Variants in HOOK2 observed in about 807,000 individuals in gnomAD.
HOOK2 encodes the protein hook microtubule tethering protein 2.
In HOOK2, 108 loss-of-function variants were observed where a neutral mutation model predicts 111.9. That is an observed-to-expected ratio of 0.96 (90% CI 0.83 to 1.13). The LOEUF is 1.13. Ranked by LOEUF, HOOK2 falls within the 50% of genes most tolerant of loss-of-function variation. The pLI is 0.00. For missense variants in HOOK2, 978 were observed against 951.3 expected (o/e 1.03, Z -0.37); for synonymous variants, 405 against 394.3 (o/e 1.03, Z -0.32).
Position 12,763,580 on chromosome 19 carries a change from C to A in HOOK2, c.1958G>T (p.Arg653Leu). ...RHLEMDFEKS[R>L]SQREQEEKLL... ...CTTTTCTTCCTGCTCCCGCTGACTTCGGCTTTTCTCAAAGTCCATCTGTCA... is the reference window on the plus strand; with the variant it reads ...CTTTTCTTCCTGCTCCCGCTGACTTAGGCTTTTCTCAAAGTCCATCTGTCA... Residue 653 changes from arginine to leucine, a missense_variant, in exon 22 of 23, where the codon CGA (arginine) becomes CTA (leucine). Physicochemically the swap from Arg to Leu is moderately radical, Grantham distance 102. This residue lies in a region of HOOK2 where 277 missense variants were observed against 265.8 expected (regional missense o/e 1.04). Coordinates refer to ENST00000397668, the MANE Select transcript of HOOK2 (RefSeq NM_013312.3). The A allele has an allele frequency of 6.2e-7, 1 of 1,614,228 alleles. No homozygotes were observed. Among genetic ancestry groups the A allele is most frequent in the Non-Finnish European group, 8.5e-7 (1 of 1,180,040 alleles).
At position 12,769,777 on chromosome 19, in the gene HOOK2, C is replaced by G; in HGVS notation, c.1104+104G>C. 8 of 950,284 alleles carry G rather than the reference C, an allele frequency of 8.4e-6. No homozygotes were observed. In the South Asian group the frequency reaches 1.7e-4, roughly 20 times the overall value. 58.9% of individuals were successfully genotyped at this position (950,284 alleles called of 1,614,324 possible). A position where few individuals can be genotyped will look rare whatever the true frequency, so the allele number is the denominator to read the frequency against. ...GAAGAGGCCCGGAGAGCGTGGCCTA[C>G]GTACAAATAAGGGAGGGGATCAGGG... is the stretch of plus-strand genomic sequence containing the variant. On this transcript the variant is annotated intron_variant, in intron 11 of 22. Transcript: ENST00000397668.
intron 3 of HOOK2, among the ~76,000 whole-genome samples, chr19:12,789,393 C>T (rs1325428806): frequency 6.6e-6 from 1 of 152,076 alleles, no homozygotes; most frequent in Admixed American, 6.5e-5. Flanking sequence ...TTCAGGTCTT[C>T]TCTGACTCGG....
At chr19:12,779,789 G>A (rs1968579908), upstream of HOOK2, among the ~76,000 whole-genome samples, 1 of 152,044 alleles carries the variant, frequency 6.6e-6, no homozygotes, top group African/African-American at 2.4e-5. Flanking sequence ...TGGGGGGGAG[G>A]GCTGGTTTCG....
intron 7 of HOOK2, chr19:12,771,765 C>T: frequency 2.3e-6 from 1 of 439,316 alleles, no homozygotes; most frequent in Non-Finnish European, 4.2e-6. Context: ...GCCTGTAGTC[C>T]TGGCTACTCG....
At position 12,773,149 on chromosome 19, in the gene HOOK2, C is replaced by T. The variant is rs572297522; in HGVS notation, c.205-105G>A. ...ACTTCTCCTTCCCTGCTCATCTCAT[C>T]CTATTCTGTCTGCGTGCGCCTTCCT... On this transcript the variant is annotated intron_variant, in intron 3 of 22. Coordinates refer to ENST00000397668, the MANE Select transcript of HOOK2 (RefSeq NM_013312.3). 5.3e-6 allele frequency: 6 copies of T among 1,140,294 alleles called. No homozygotes were observed. In the South Asian group the frequency reaches 6.3e-5, roughly 12 times the overall value. The allele number at this position is 1,140,294 out of a possible 1,614,324, so 70.6% of individuals were successfully genotyped here. A position where few individuals can be genotyped will look rare whatever the true frequency, so the allele number is the denominator to read the frequency against.
chr19:12,771,735 A>G lies in HOOK2; in HGVS notation c.520-258T>C, dbSNP rs934596020. 1.2e-4 allele frequency: 58 copies of G among 487,568 alleles called. No homozygotes were observed. The South Asian group carries it at 1.2e-3, about 10-fold the overall frequency. 30.2% of individuals were successfully genotyped at this position (487,568 alleles called of 1,614,324 possible). ...CTTCTCTACTAAAAACACAAAAATT[A>G]GCCGGGTGTGGTGGCGTGTGCCTGT... On this transcript the variant is annotated intron_variant, in intron 7 of 22. Coordinates refer to ENST00000397668, the MANE Select transcript of HOOK2 (RefSeq NM_013312.3).
chr19:12,763,720 T>G lies in HOOK2; in HGVS notation c.1886A>C (p.His629Pro). The G allele has an allele frequency of 1.2e-6, 2 of 1,614,204 alleles. No homozygotes were observed. Among genetic ancestry groups the G allele is most frequent in the Non-Finnish European group, 1.7e-6 (2 of 1,180,032 alleles). Reference protein sequence around the residue: ...RPAAGAPPELHSLRTQLRERD... With the variant: ...RPAAGAPPELPSLRTQLRERD... ...TTCTCGGAGCTGTGTCCTCAGGGAA[T>G]GGAGTTCTGGAGGTGCCCCCGCAGC... Residue 629 changes from histidine to proline, a missense_variant, in exon 21 of 23, where the codon CAT becomes CCT. Around this residue, in one of 5 missense-constraint regions of HOOK2, gnomAD observed 277 missense variants for 265.8 expected, o/e 1.04. Transcript: ENST00000397668.
Position 12,790,424 on chromosome 19 carries a change from C to T in HOOK2, n.42-16199G>A, listed in dbSNP as rs948328498. Among the ~76,000 whole-genome samples, 14 of 152,236 alleles carry T rather than the reference C, an allele frequency of 9.2e-5. No individual in the cohort carries two copies. Among genetic ancestry groups the T allele is most frequent in the Non-Finnish European group, 1.9e-4 (13 of 68,032 alleles). Reference sequence around the variant, plus strand: ...CCCCAGCCGTCGGGCTGGGTCCAGGCTCTAGGAGCCGACACGGTGTTGGGC... The same window carrying T: ...CCCCAGCCGTCGGGCTGGGTCCAGGTTCTAGGAGCCGACACGGTGTTGGGC... On this transcript the variant is annotated intron_variant and non_coding_transcript_variant, in intron 3 of 3. Transcript: ENST00000589765. The surrounding 1 kb of genome is among the most constrained non-coding windows in gnomAD (Gnocchi z 7.2).
At chr19:12,792,068 CACG>C in intron 3 of HOOK2, 1 of 1,607,950 alleles carries the variant, frequency 6.2e-7, no homozygotes, top group Non-Finnish European at 8.5e-7. Context: ...ACGGCGTGAT[CACG>C]ACGACGCCTA....
rs375872805 is a variant in HOOK2 at position 12,766,026 on chromosome 19, G to C, written c.1512-12C>G. 252 of 1,612,242 alleles carry C rather than the reference G, an allele frequency of 1.6e-4. No individual in the cohort carries two copies. The highest frequency in any genetic ancestry group is 2.1e-4 in the Non-Finnish European group (246 of 1,179,778). On this transcript the variant is annotated splice_polypyrimidine_tract_variant and intron_variant, in intron 15 of 22. Coordinates refer to ENST00000397668, the MANE Select transcript of HOOK2 (RefSeq NM_013312.3). ...GCTGCTGGTTCAGCCTGCGAGGGTG[G>C]GGGGCCGCTTAGTGCCTGTGCCCAC...
At chr19:12,770,892 C>G (rs768314503) in intron 10 of HOOK2, 40 bp downstream of exon 10, 1 of 1,565,870 alleles carries the variant, frequency 6.4e-7, no homozygotes. Flanking sequence ...AGGTTTACCC[C>G]CCGCCCCCCG....
chr19:12,782,884 G>GT (rs1221564708), upstream of HOOK2, among the ~76,000 whole-genome samples: 1 of 74,944 alleles, frequency 1.3e-5, no homozygotes, highest in African/African-American at 6.3e-5. Context: ...ATGGAGCTGA[G>GT]ACCCCCCCCC....
chr19:12,766,097 G>T lies in HOOK2; in HGVS notation c.1511+6C>A, dbSNP rs757338598. The stretch of plus-strand genomic sequence containing the variant: ...GCTCCGCGCAGGTAGGTCCCCAGGC[G>T]CTCACCGGTGCTGCGTCTCCAACCC... On this transcript the variant is annotated splice_donor_region_variant and intron_variant, in intron 15 of 22. Coordinates refer to ENST00000397668, the MANE Select transcript of HOOK2 (RefSeq NM_013312.3). 3.7e-6 allele frequency: 6 copies of T among 1,601,140 alleles called. No individual in the cohort carries two copies. The East Asian group carries it at 8.9e-5, about 24-fold the overall frequency.
upstream of HOOK2, chr19:12,778,251 C>G (rs1180003890): frequency 6.6e-6 from 1 of 152,254 alleles, no homozygotes; most frequent in Non-Finnish European, 1.5e-5. Flanking sequence ...GCAGGGTGGG[C>G]AAAGTGACAG....
rs1163542737 is a variant in HOOK2 at position 12,767,879 on chromosome 19, A to G, written c.1240T>C (p.Leu414=). Residue 414 remains leucine, a synonymous_variant, in exon 13 of 23, where the codon TTG becomes CTG. Coordinates refer to ENST00000397668, the MANE Select transcript of HOOK2 (RefSeq NM_013312.3). ...KERLLAERDS[L]REANEELRCA... ...CGCAGCTCCTCATTGGCCTCCCGCA[A>G]GGAGTCCCGCTCCGCCAACAGCCGC... The G allele has an allele frequency of 6.2e-7, 1 of 1,609,496 alleles. No homozygotes were observed. The highest frequency in any genetic ancestry group is 2.2e-5 in the East Asian group (1 of 44,882).
intron 18 of HOOK2, 54 bp from the exon 19 acceptor site, chr19:12,765,135 T>C (rs1968110071): frequency 6.3e-7 from 1 of 1,580,132 alleles, no homozygotes; most frequent in Admixed American, 1.7e-5. Context: ...GCTTCTCTTT[T>C]GTCCCAGTGG....
At chr19:12,785,997 G>A (rs1968652272) in intron 3 of HOOK2, among the ~76,000 whole-genome samples, 1 of 152,204 alleles carries the variant, frequency 6.6e-6, no homozygotes, top group African/African-American at 2.4e-5. Flanking sequence ...AGCAGTGGCA[G>A]GGATGGAAGC....
At chr19:12,772,576 G>A in intron 6 of HOOK2, 37 bp downstream of exon 6, 1 of 1,607,652 alleles carries the variant, frequency 6.2e-7, no homozygotes, top group Non-Finnish European at 8.5e-7. Flanking sequence ...CCCCTCTCCT[G>A]ACATTTTCCA....
rs763804090 is a variant in HOOK2, at chr19:12,763,598, A to G, written c.1940T>C (p.Met647Thr). The G allele has an allele frequency of 6.2e-7, 1 of 1,614,214 alleles. No homozygotes were observed. The highest frequency in any genetic ancestry group is 1.7e-5 in the Admixed American group (1 of 60,024). ...ERDVRIRHLE[M>T]DFEKSRSQRE... ...CTGACTTCGGCTTTTCTCAAAGTCC[A>G]TCTGTCAAGGAGGCAAGTGTCAGGG... Residue 647 changes from methionine to threonine, a missense_variant and splice_region_variant, in exon 22 of 23, where the codon ATG (methionine) becomes ACG (threonine). This residue lies in a region of HOOK2 where 277 missense variants were observed against 265.8 expected (regional missense o/e 1.04). Coordinates refer to ENST00000397668, the MANE Select transcript of HOOK2 (RefSeq NM_013312.3).
Sources: gnomAD v4.1 joint callset for allele counts (sites outside exome capture counted in the v4.1 genomes callset) on GRCh38, gnomAD v4.1.1 for gene constraint, gnomAD v4.1.1 regional missense constraint, Gnocchi (gnomAD v3.1) non-coding constraint, MANE v1.5 for transcripts, NCBI Gene and HGNC (gene_info 2026-07-23, HGNC 2026-07-21) for gene names.